RALYL: variants seen among roughly 807,000 people sequenced by gnomAD.
The protein encoded by RALYL is RNA-binding Raly-like protein.
Under a neutral mutation model 35.1 loss-of-function variants are expected in RALYL, and 29 were observed. The observed-to-expected ratio is 0.83, with a 90% CI of 0.61 to 1.13. The LOEUF is 1.13. Ranked by LOEUF, RALYL falls within the 50% of genes most tolerant of loss-of-function variation. The pLI, the probability that RALYL is intolerant of heterozygous loss-of-function variation, is 0.00. For synonymous variants in RALYL, 120 were observed against 127.6 expected (o/e 0.94, Z 0.40); for missense variants, 359 against 360.4 (o/e 1.00, Z 0.03).
intron 2 of RALYL, among the ~76,000 whole-genome samples, chr8:84,559,294 C>T (rs1368118535): frequency 1.3e-5 from 2 of 151,848 alleles, no homozygotes; most frequent in African/African-American, 4.8e-5. Flanking sequence ...AGTGTGAAAA[C>T]ATTAAAATAA....
intron 1 of RALYL, among the ~76,000 whole-genome samples, chr8:84,499,865 C>G (rs1249186649): frequency 6.6e-6 from 1 of 152,108 alleles, no homozygotes; most frequent in African/African-American, 2.4e-5. Flanking sequence ...AGTCATCCTA[C>G]CAGCTCAGCC....
chr8:84,404,203 A>T (rs1338358973), intron 1 of RALYL, among the ~76,000 whole-genome samples: 2 of 151,964 alleles, frequency 1.3e-5, no homozygotes, highest in African/African-American at 4.8e-5. Context: ...AACTTACAAT[A>T]TTATGTTAAA....
At chr8:84,294,194 T>G (rs151092957) in intron 1 of RALYL, among the ~76,000 whole-genome samples, 1 of 152,202 alleles carries the variant, frequency 6.6e-6, no homozygotes, top group Non-Finnish European at 1.5e-5. Flanking sequence ...GTAAGAAGGG[T>G]TTAAAAGATA....
intron 1 of RALYL, among the ~76,000 whole-genome samples, chr8:84,362,844 A>G (rs1236776533): frequency 6.6e-6 from 1 of 152,176 alleles, no homozygotes; most frequent in African/African-American, 2.4e-5. Context: ...CTTATTTAAA[A>G]AAATTATAAT....
At chr8:84,541,815 T>A (rs2060034515) in intron 2 of RALYL, among the ~76,000 whole-genome samples, 1 of 152,090 alleles carries the variant, frequency 6.6e-6, no homozygotes, top group Non-Finnish European at 1.5e-5. Flanking sequence ...TCTATATCTT[T>A]AGTAATTATT....
intron 8 of RALYL, among the ~76,000 whole-genome samples, chr8:84,913,474 G>C (rs1035646442): frequency 5.3e-5 from 8 of 151,862 alleles, no homozygotes; most frequent in Admixed American, 2.6e-4. Flanking sequence ...TCTATACCAG[G>C]ATAATCATAT....
At chr8:84,810,735 A>G (rs1586457829) in intron 4 of RALYL, among the ~76,000 whole-genome samples, 1 of 152,312 alleles carries the variant, frequency 6.6e-6, no homozygotes, top group East Asian at 1.9e-4. Flanking sequence ...TTACCATTAT[A>G]TAATGTCCCT....
intron 1 of RALYL, among the ~76,000 whole-genome samples, chr8:84,492,772 A>C (rs1461781515): frequency 6.6e-6 from 1 of 152,108 alleles, no homozygotes; most frequent in Non-Finnish European, 1.5e-5. Context: ...GGTATTACAT[A>C]ATGTAGTTTC....
chr8:84,350,715 CA>C (rs2131061456), intron 1 of RALYL, among the ~76,000 whole-genome samples: 2 of 150,160 alleles, frequency 1.3e-5, no homozygotes, highest in South Asian at 4.2e-4. Flanking sequence ...AAGCAAAACA[CA>C]AATAAAACTG....
At chr8:84,903,158 CTT>C (rs1277722763) in intron 8 of RALYL, among the ~76,000 whole-genome samples, 2 of 152,070 alleles carry the variant, frequency 1.3e-5, no homozygotes, top group African/African-American at 2.4e-5. Flanking sequence ...TCAAGACACT[CTT>C]TTGAGGAATT....
At chr8:84,661,251 G>T (rs1034806202) in intron 2 of RALYL, among the ~76,000 whole-genome samples, 1 of 151,648 alleles carries the variant, frequency 6.6e-6, no homozygotes, top group Admixed American at 6.6e-5. Flanking sequence ...ATATATAGAG[G>T]GACCATAAAT....
intron 8 of RALYL, among the ~76,000 whole-genome samples, chr8:84,889,769 A>C (rs953767890): frequency 2.6e-5 from 4 of 152,150 alleles, no homozygotes; most frequent in African/African-American, 9.6e-5. Context: ...GCACTTTCCC[A>C]GGCTTCCTCA....
chr8:84,769,697 G>T (rs1814962562), intron 2 of RALYL, among the ~76,000 whole-genome samples: 1 of 152,104 alleles, frequency 6.6e-6, no homozygotes, highest in South Asian at 2.1e-4. Flanking sequence ...GGAGGCAGAA[G>T]TTGCAGTGAG....
intron 1 of RALYL, among the ~76,000 whole-genome samples, chr8:84,413,766 C>CTACA (rs1428308970): frequency 6.6e-6 from 1 of 151,950 alleles, no homozygotes; most frequent in Non-Finnish European, 1.5e-5. Flanking sequence ...CAAATGATTT[C>CTACA]CATATAGAAT....
chr8:84,608,807 G>A (rs928239616), intron 2 of RALYL, among the ~76,000 whole-genome samples: 9 of 152,094 alleles, frequency 5.9e-5, no homozygotes, highest in Non-Finnish European at 1.5e-5. Context: ...CGAATCCTTG[G>A]TTCAGTTTAG....
chr8:84,430,939 C>A (rs2047074887), intron 1 of RALYL, among the ~76,000 whole-genome samples: 1 of 152,084 alleles, frequency 6.6e-6, no homozygotes, highest in African/African-American at 2.4e-5. Context: ...CTCAGCTGGG[C>A]TTCATAATGT....
Position 84,238,011 on chromosome 8 carries a change from AAG to A in RALYL, c.-24+53589_-24+53590del, listed in dbSNP as rs1408937683. On this transcript the variant is annotated intron_variant, in intron 1 of 8. Coordinates refer to ENST00000521268, the MANE Select transcript of RALYL (RefSeq NM_173848.7). The stretch of plus-strand genomic sequence containing the variant: ...AGAAAAAAGTGCAAAAACAAAACAA[AAG>A]AAAAAAAACACTAAAAAATTTAAAA... Among the ~76,000 whole-genome samples the A allele has an allele frequency of 1.3e-4, 13 of 99,630 alleles. 1 individual carries two copies. Among genetic ancestry groups the A allele is most frequent in the Admixed American group, 8.5e-4 (7 of 8,262 alleles). 65.4% of individuals were successfully genotyped at this position (99,630 alleles called of 152,430 possible).
intron 8 of RALYL, among the ~76,000 whole-genome samples, chr8:84,897,477 A>G (rs1844949806): frequency 6.6e-6 from 1 of 152,216 alleles, no homozygotes; most frequent in African/African-American, 2.4e-5. Context: ...AGCTCTCAGC[A>G]CATTCAATTC....
intron 1 of RALYL, among the ~76,000 whole-genome samples, chr8:84,318,191 A>T (rs1273765708): frequency 7.2e-6 from 1 of 138,316 alleles, no homozygotes; most frequent in African/African-American, 2.9e-5. Flanking sequence ...GTAGAGTATC[A>T]AATTCAAGCA....
Sources: allele counts gnomAD v4.1 joint callset (sites outside exome capture counted in the v4.1 genomes callset), GRCh38; gene constraint gnomAD v4.1.1; transcripts MANE v1.5; gene names NCBI Gene and HGNC (gene_info 2026-07-23, HGNC 2026-07-21).